Variants in GPATCH2 observed in about 807,000 individuals in gnomAD.
The protein encoded by GPATCH2 is G patch domain-containing protein 2.
In GPATCH2, 51 loss-of-function variants were observed where a neutral mutation model predicts 58.0. The ratio of observed to expected loss-of-function variants is 0.88; its 90% CI spans 0.70 to 1.11. GPATCH2 has a LOEUF of 1.11. Ranked by LOEUF, GPATCH2 falls within the 50% of genes most tolerant of loss-of-function variation. The probability of loss-of-function intolerance (pLI) is 0.00; values close to 1 mark genes in which losing one functional copy is unlikely to be tolerated. For missense variants in GPATCH2, 625 were observed against 652.2 expected (o/e 0.96, Z 0.45); for synonymous variants, 222 against 218.5 (o/e 1.02, Z -0.14).
intron 2 of GPATCH2, among the ~76,000 whole-genome samples, chr1:217,617,998 A>T (rs1668981156): frequency 6.6e-6 from 1 of 152,186 alleles, no homozygotes. Context: ...CAATGAATCC[A>T]AAAAGCAGGT....
intron 5 of GPATCH2, among the ~76,000 whole-genome samples, chr1:217,600,154 A>G (rs1668042718): frequency 6.6e-6 from 1 of 152,114 alleles, no homozygotes; most frequent in South Asian, 2.1e-4. Flanking sequence ...ACAAGTCATT[A>G]CTCCTTTGGT....
intron 9 of GPATCH2, among the ~76,000 whole-genome samples, chr1:217,444,202 G>C (rs1659275046): frequency 6.6e-6 from 1 of 152,184 alleles, no homozygotes; most frequent in Non-Finnish European, 1.5e-5. Flanking sequence ...GTGCCTGTGG[G>C]TAAGTTTTGT....
rs1669092778 is a variant in GPATCH2, at chr1:217,619,848, G to T, written c.708C>A (p.Asn236Lys). The T allele has an allele frequency of 6.2e-7, 1 of 1,613,384 alleles. No individual in the cohort carries two copies. Among genetic ancestry groups the T allele is most frequent in the African/African-American group, 1.3e-5 (1 of 74,820 alleles). ...EGVVLESEET[N>K]QTNKDKMECE... is the part of the protein sequence containing the mutation. ...ATTCCATTTTGTCCTTATTGGTCTG[G>T]TTCGTTTCCTCACTTTCTAAAACTA... The change falls in exon 2 of 10, where the codon AAC (asparagine) becomes AAA (lysine). Residue 236 changes from asparagine to lysine, a missense_variant. By Grantham distance (94) the Asn-to-Lys change is moderately conservative. Coordinates refer to ENST00000366935, the MANE Select transcript of GPATCH2 (RefSeq NM_018040.5).
intron 9 of GPATCH2, among the ~76,000 whole-genome samples, chr1:217,437,520 G>A (rs949203177): frequency 2.0e-5 from 3 of 152,164 alleles, no homozygotes; most frequent in African/African-American, 4.8e-5. Flanking sequence ...GTCTGAAGCC[G>A]ACCTGGGATG....
intron 1 of GPATCH2, among the ~76,000 whole-genome samples, chr1:217,621,102 C>T (rs143802942): frequency 1.8e-3 from 273 of 152,292 alleles, no homozygotes; most frequent in African/African-American, 5.8e-3. Context: ...CAAATTGGAG[C>T]CTCACTGGTT....
chr1:217,548,449 T>G (rs1665180677), intron 5 of GPATCH2, among the ~76,000 whole-genome samples: 1 of 152,222 alleles, frequency 6.6e-6, no homozygotes, highest in Non-Finnish European at 1.5e-5. Context: ...CTACAAATAC[T>G]AAGACACCTG....
At chr1:217,499,091 A>T (rs781465157) in intron 6 of GPATCH2, among the ~76,000 whole-genome samples, 7 of 152,128 alleles carry the variant, frequency 4.6e-5, no homozygotes, top group Non-Finnish European at 1.0e-4. Context: ...AGCATTAGCT[A>T]TGCGCCCAGT....
chr1:217,606,392 A>C (rs1359433512), intron 5 of GPATCH2, among the ~76,000 whole-genome samples: 1 of 152,044 alleles, frequency 6.6e-6, no homozygotes, highest in Non-Finnish European at 1.5e-5. Context: ...AATATAAAAG[A>C]GGTATAAAAG....
At chr1:217,483,820 T>C (rs1661327579) in intron 8 of GPATCH2, among the ~76,000 whole-genome samples, 1 of 152,236 alleles carries the variant, frequency 6.6e-6, no homozygotes, top group South Asian at 2.1e-4. Context: ...ATTGTTTAAT[T>C]GGATTGATTT....
chr1:217,446,187 C>T (rs1659379813), intron 9 of GPATCH2, among the ~76,000 whole-genome samples: 1 of 152,012 alleles, frequency 6.6e-6, no homozygotes, highest in Non-Finnish European at 1.5e-5. Context: ...CTGCATTTTT[C>T]TTGTTTAGAG....
chr1:217,566,253 C>A (rs993815761), intron 5 of GPATCH2, among the ~76,000 whole-genome samples: 1 of 151,970 alleles, frequency 6.6e-6, no homozygotes, highest in Non-Finnish European at 1.5e-5. Context: ...CCAGCCTCAG[C>A]TGAAGCAATT....
chr1:217,491,124 A>G lies in GPATCH2; in HGVS notation c.1277+556T>C, dbSNP rs149324885. 9.6e-3 allele frequency among the ~76,000 whole-genome samples: 1,468 copies of G among 152,342 alleles called. 11 individuals carry two copies. Among genetic ancestry groups the G allele is most frequent in the Middle Eastern group, 0.048 (14 of 294 alleles). On this transcript the variant is annotated intron_variant, in intron 8 of 9. Coordinates refer to ENST00000366935, the MANE Select transcript of GPATCH2 (RefSeq NM_018040.5). The stretch of plus-strand genomic sequence containing the variant: ...CAACATTCTGACAAGAAGGGTAGCC[A>G]TTTTCATCTAAACAAAAATTAAGTC...
At chr1:217,540,537 G>T (rs1664687394) in intron 5 of GPATCH2, among the ~76,000 whole-genome samples, 1 of 152,158 alleles carries the variant, frequency 6.6e-6, no homozygotes, top group South Asian at 2.1e-4. Flanking sequence ...TAGTAACATA[G>T]CAGTGATTGA....
chr1:217,576,872 G>C (rs1239849257), intron 5 of GPATCH2, among the ~76,000 whole-genome samples: 2 of 152,122 alleles, frequency 1.3e-5, no homozygotes, highest in Non-Finnish European at 2.9e-5. Context: ...AATGCGAAGG[G>C]GATAAGGATT....
chr1:217,566,391 GTTC>G (rs1292854460), intron 5 of GPATCH2, among the ~76,000 whole-genome samples: 3 of 152,144 alleles, frequency 2.0e-5, no homozygotes, highest in African/African-American at 7.2e-5. Context: ...ATCTTTAGAT[GTTC>G]TTCTATCATT....
intron 5 of GPATCH2, among the ~76,000 whole-genome samples, chr1:217,604,731 A>G (rs1173430564): frequency 6.6e-6 from 1 of 152,214 alleles, no homozygotes; most frequent in African/African-American, 2.4e-5. Context: ...ACTGCATTTT[A>G]AATGGCCCTT....
At chr1:217,527,869 T>G (rs1014339418) in intron 5 of GPATCH2, among the ~76,000 whole-genome samples, 1 of 152,162 alleles carries the variant, frequency 6.6e-6, no homozygotes, top group Non-Finnish European at 1.5e-5. Flanking sequence ...TCAACCCTAC[T>G]AGCTAATATG....
At chr1:217,545,172 C>A (rs1250985132) in intron 5 of GPATCH2, among the ~76,000 whole-genome samples, 2 of 152,218 alleles carry the variant, frequency 1.3e-5, no homozygotes, top group Admixed American at 1.3e-4. Flanking sequence ...ATATGCTTGT[C>A]CCCACTTTCT....
At chr1:217,488,734 C>T (rs1344307263) in intron 8 of GPATCH2, among the ~76,000 whole-genome samples, 1 of 151,874 alleles carries the variant, frequency 6.6e-6, no homozygotes, top group East Asian at 1.9e-4. Flanking sequence ...CTGTGTTGCC[C>T]AGGCTGAAGT....
Sources: allele counts gnomAD v4.1 joint callset (sites outside exome capture counted in the v4.1 genomes callset), GRCh38; gene constraint gnomAD v4.1.1; transcripts MANE v1.5; gene names NCBI Gene and HGNC (gene_info 2026-07-23, HGNC 2026-07-21).